Variants in SDK1 observed in about 807,000 individuals in gnomAD.
The protein encoded by SDK1 is protein sidekick-1.
SDK1 carries 157 observed loss-of-function variants against 245.5 expected under a neutral mutation model. That is an observed-to-expected ratio of 0.64 (90% CI 0.56 to 0.73). The LOEUF (loss-of-function observed/expected upper bound fraction) is 0.73, where lower values mean the gene tolerates loss of function less well. Ranked by LOEUF, SDK1 falls within the 30% of genes least tolerant of loss-of-function variation. The probability of loss-of-function intolerance (pLI) is 0.00; values close to 1 mark genes in which losing one functional copy is unlikely to be tolerated. For synonymous variants in SDK1, 1,647 were observed against 1,278.5 expected, an observed-to-expected ratio of 1.29 and a Z score of -6.15; for missense variants, 3,583 against 3,002.3, an observed-to-expected ratio of 1.19 and a Z score of -4.52.
rs1281037305 is a variant in SDK1 at position 3,897,259 on chromosome 7, T to C, written c.848-53664T>C. 2.6e-5 allele frequency among the ~76,000 whole-genome samples: 4 copies of C among 152,222 alleles called. No homozygotes were observed. The East Asian group carries it at 7.7e-4, about 29-fold the overall frequency. On this transcript the variant is annotated intron_variant, in intron 5 of 44. Coordinates refer to ENST00000404826, the MANE Select transcript of SDK1 (RefSeq NM_152744.4). The stretch of plus-strand genomic sequence containing the variant: ...GTCTCCCGTTCAGTAAGAAGTATTA[T>C]GCACATTAACATTTCTGCACACTCA...
At chr7:4,133,517 G>C (rs1216755420) in intron 28 of SDK1, among the ~76,000 whole-genome samples, 1 of 152,194 alleles carries the variant, frequency 6.6e-6, no homozygotes, top group Non-Finnish European at 1.5e-5. Flanking sequence ...TTCTGGGTGG[G>C]GTCTCTGTGG....
chr7:3,762,786 A>T (rs1002419399), intron 4 of SDK1, among the ~76,000 whole-genome samples: 1 of 152,218 alleles, frequency 6.6e-6, no homozygotes, highest in African/African-American at 2.4e-5. Context: ...AATAGTTTTT[A>T]AAAAATCACT....
At chr7:4,164,886 C>T (rs1035668770) in intron 32 of SDK1, among the ~76,000 whole-genome samples, 3 of 152,138 alleles carry the variant, frequency 2.0e-5, no homozygotes, top group African/African-American at 4.8e-5. Flanking sequence ...GTCAATACAA[C>T]GTCCTGTAGA....
chr7:4,079,673 G>C (rs1311455002), intron 22 of SDK1, 89 bp downstream of exon 22: 2 of 1,549,002 alleles, frequency 1.3e-6, no homozygotes, highest in African/African-American at 2.7e-5. Context: ...ATGATGGCTT[G>C]GGGTGTCGGG....
At chr7:3,653,490 G>A (rs912962453) in intron 4 of SDK1, among the ~76,000 whole-genome samples, 2 of 152,196 alleles carry the variant, frequency 1.3e-5, no homozygotes, top group Admixed American at 1.3e-4. Context: ...CAAGGCCACA[G>A]TGTTAGAGTA....
Position 4,178,538 on chromosome 7 carries a change from G to T in SDK1, c.5050G>T (p.Gly1684Cys). Residue 1684 changes from glycine to cysteine, a missense_variant, in exon 35 of 45, where the codon GGC becomes TGC. Transcript: ENST00000404826. The stretch of plus-strand genomic sequence containing the variant: ...AATAATGACCGCCTATAACATCATC[G>T]GCGAGAGCCCAGCCAGCGCGCCCGT... ...EVIMTAYNIIGESPASAPVEV... is the reference protein window; with the variant it reads ...EVIMTAYNIICESPASAPVEV... The T allele has an allele frequency of 6.2e-7, 1 of 1,613,760 alleles. No individual in the cohort carries two copies. The highest frequency in any genetic ancestry group is 8.5e-7 in the Non-Finnish European group (1 of 1,179,988).
intron 1 of SDK1, among the ~76,000 whole-genome samples, chr7:3,561,391 T>C (rs1281501540): frequency 6.6e-6 from 1 of 152,204 alleles, no homozygotes; most frequent in African/African-American, 2.4e-5. Flanking sequence ...CACTGTCTCC[T>C]CTCTGGTCAC....
rs570893211 is a variant in SDK1 at position 4,265,000 on chromosome 7, G to A, written c.6382-124G>A. 8.8e-5 allele frequency: 126 copies of A among 1,423,938 alleles called. No individual in the cohort carries two copies. The African/African-American group carries it at 1.7e-3, about 19-fold the overall frequency. The allele number at this position is 1,423,938 out of a possible 1,614,324, so 88.2% of individuals were successfully genotyped here. A position where few individuals can be genotyped will look rare whatever the true frequency, so the allele number is the denominator to read the frequency against. On this transcript the variant is annotated intron_variant, in intron 44 of 44. Coordinates refer to ENST00000404826, the MANE Select transcript of SDK1 (RefSeq NM_152744.4). ...GGGCCTGGCATTGGGTTGGGGTGGG[G>A]AGAGGGCTGGAGACCGCGACACACG...
chr7:3,584,731 A>ATTTTT (rs10683288), intron 1 of SDK1, among the ~76,000 whole-genome samples: 6 of 146,374 alleles, frequency 4.1e-5, no homozygotes, highest in Non-Finnish European at 7.5e-5. Flanking sequence ...ACTTCACGTT[A>ATTTTT]TTTTTTTTTT....
intron 32 of SDK1, among the ~76,000 whole-genome samples, chr7:4,162,607 C>G (rs1429649016): frequency 6.6e-6 from 1 of 151,964 alleles, no homozygotes. Context: ...ACCATGTTGA[C>G]CAGGCTGATC....
At chr7:4,037,436 T>C (rs1462734405) in intron 17 of SDK1, among the ~76,000 whole-genome samples, 4 of 152,056 alleles carry the variant, frequency 2.6e-5, no homozygotes, top group African/African-American at 9.7e-5. Flanking sequence ...TTGGGCCGCA[T>C]AGTGAGACCC....
intron 17 of SDK1, among the ~76,000 whole-genome samples, chr7:4,023,744 G>T (rs57621408): frequency 6.6e-6 from 1 of 152,172 alleles, no homozygotes; most frequent in Non-Finnish European, 1.5e-5. Flanking sequence ...AGTTCATATC[G>T]ATGCTGACTC....
intron 35 of SDK1, among the ~76,000 whole-genome samples, chr7:4,194,322 A>ATGTATACATGTATATATATGTGTG (rs1783430419): frequency 2.2e-5 from 3 of 139,480 alleles, no homozygotes; most frequent in Non-Finnish European, 4.6e-5. Flanking sequence ...ACATATATGT[A>ATGTATACATGTATATATATGTGTG]TGCACGTATG....
intron 1 of SDK1, among the ~76,000 whole-genome samples, chr7:3,547,849 C>A (rs920712884): frequency 1.3e-5 from 2 of 152,170 alleles, no homozygotes; most frequent in Non-Finnish European, 2.9e-5. Context: ...TTTTTGCCAC[C>A]CTGCTTTCCT....
At chr7:3,653,542 A>G (rs1562632674) in intron 4 of SDK1, among the ~76,000 whole-genome samples, 1 of 152,158 alleles carries the variant, frequency 6.6e-6, no homozygotes. Context: ...GGGTGGCAGG[A>G]GAAGCCAGTG....
intron 1 of SDK1, among the ~76,000 whole-genome samples, chr7:3,316,268 A>G (rs564325705): frequency 3.3e-5 from 5 of 152,294 alleles, no homozygotes; most frequent in Admixed American, 6.5e-5. Context: ...ATAATTCTGT[A>G]TGTTTATGGT....
intron 1 of SDK1, among the ~76,000 whole-genome samples, chr7:3,543,682 T>C (rs955609711): frequency 1.3e-5 from 2 of 152,212 alleles, no homozygotes; most frequent in African/African-American, 4.8e-5. Flanking sequence ...TGAGTGAGAT[T>C]GTGTTACACG....
At chr7:4,032,810 TG>T (rs1248317386) in intron 17 of SDK1, among the ~76,000 whole-genome samples, 1 of 152,236 alleles carries the variant, frequency 6.6e-6, no homozygotes, top group African/African-American at 2.4e-5. Context: ...CAAATGCTGC[TG>T]GAAGTTACTA....
intron 2 of SDK1, among the ~76,000 whole-genome samples, chr7:3,632,006 C>T (rs1396110461): frequency 6.6e-6 from 1 of 151,864 alleles, no homozygotes; most frequent in Admixed American, 6.6e-5. Context: ...TGCCTTCATA[C>T]TTTAATCCTT....
Sources: allele counts gnomAD v4.1 joint callset (sites outside exome capture counted in the v4.1 genomes callset), GRCh38; gene constraint gnomAD v4.1.1; transcripts MANE v1.5; gene names NCBI Gene and HGNC (gene_info 2026-07-23, HGNC 2026-07-21).